Variants in MELK observed in about 807,000 individuals in gnomAD.
The protein encoded by MELK is maternal embryonic leucine zipper kinase, also known as pEg3 kinase.
Under a neutral mutation model 85.0 loss-of-function variants are expected in MELK, and 81 were observed. The observed-to-expected ratio is 0.95, with a 90% CI of 0.80 to 1.15. The LOEUF is 1.15. Among genes scored for constraint, MELK ranks in the 50% most tolerant of loss-of-function variants. The pLI is 0.00. For synonymous variants in MELK, 252 were observed against 265.0 expected (o/e 0.95, Z 0.48); for missense variants, 754 against 777.5 (o/e 0.97, Z 0.36).
chr9:36,600,001 A>G (rs1009775719), intron 7 of MELK, among the ~76,000 whole-genome samples: 2 of 152,198 alleles, frequency 1.3e-5, no homozygotes, highest in Non-Finnish European at 2.9e-5. Flanking sequence ...TGTGAGTGTC[A>G]TAAGATTAAA....
At chr9:36,673,083 C>T (rs1479728510) in intron 16 of MELK, among the ~76,000 whole-genome samples, 2 of 152,050 alleles carry the variant, frequency 1.3e-5, no homozygotes, top group Admixed American at 6.6e-5. Flanking sequence ...TAGTTATGTC[C>T]TCTTTTAGGA....
At chr9:36,650,223 G>T (rs1178954706) in intron 11 of MELK, among the ~76,000 whole-genome samples, 1 of 151,424 alleles carries the variant, frequency 6.6e-6, no homozygotes, top group Non-Finnish European at 1.5e-5. Flanking sequence ...GATTACAGGG[G>T]TGAGCCACCG....
chr9:36,579,255 G>A (rs747796509), intron 1 of MELK, among the ~76,000 whole-genome samples: 1 of 152,186 alleles, frequency 6.6e-6, no homozygotes, highest in Non-Finnish European at 1.5e-5. Flanking sequence ...TCGAACTCCC[G>A]ACCTCAGGTG....
intron 8 of MELK, among the ~76,000 whole-genome samples, chr9:36,616,433 A>G (rs1310353566): frequency 7.1e-6 from 1 of 141,584 alleles, no homozygotes; most frequent in Non-Finnish European, 1.5e-5. Flanking sequence ...TTTGTCACCC[A>G]GGCTGGAGTG....
At chr9:36,653,900 A>T (rs1264471122) in intron 12 of MELK, among the ~76,000 whole-genome samples, 1 of 152,144 alleles carries the variant, frequency 6.6e-6, no homozygotes, top group Non-Finnish European at 1.5e-5. Context: ...GGTACTCATC[A>T]GTCATGTGCT....
chr9:36,607,846 T>G (rs912404167), intron 8 of MELK, among the ~76,000 whole-genome samples, 173 bp downstream of exon 8: 1 of 152,224 alleles, frequency 6.6e-6, no homozygotes, highest in Non-Finnish European at 1.5e-5. Flanking sequence ...TTCTGTTTCT[T>G]AATCTGGGAG....
intron 10 of MELK, among the ~76,000 whole-genome samples, chr9:36,640,131 A>G (rs1447896578): frequency 6.6e-6 from 1 of 152,226 alleles, no homozygotes; most frequent in Non-Finnish European, 1.5e-5. Flanking sequence ...TGCTTATACC[A>G]GTCAATAATG....
intron 8 of MELK, among the ~76,000 whole-genome samples, chr9:36,617,770 T>A (rs1826989890): frequency 6.6e-6 from 1 of 152,124 alleles, no homozygotes. Context: ...TTTTCTTGAC[T>A]TTAAACATCA....
At chr9:36,573,528 G>A (rs1189254399) in intron 1 of MELK, among the ~76,000 whole-genome samples, 1 of 152,026 alleles carries the variant, frequency 6.6e-6, no homozygotes, top group Non-Finnish European at 1.5e-5. Context: ...TCTTCAAGAC[G>A]GAGTTTCGCT....
intron 14 of MELK, among the ~76,000 whole-genome samples, chr9:36,665,993 G>A (rs1406114481): frequency 1.3e-5 from 2 of 152,206 alleles, no homozygotes; most frequent in East Asian, 1.9e-4. Context: ...TGACGCCTCC[G>A]CTGAGCCTTT....
At chr9:36,597,092 C>T (rs1824367833) in intron 5 of MELK, 130 bp from the exon 6 acceptor site, 4 of 675,504 alleles carry the variant, frequency 5.9e-6, no homozygotes, top group Non-Finnish European at 1.0e-5. Context: ...CTCTCATCTG[C>T]CTTCAGAGTG....
At chr9:36,658,759 T>C (rs1831501171) in intron 13 of MELK, among the ~76,000 whole-genome samples, 1 of 152,106 alleles carries the variant, frequency 6.6e-6, no homozygotes. Context: ...TGGAGCGCAT[T>C]GTTGGGATCT....
chr9:36,636,784 C>G (rs575522964), intron 10 of MELK, among the ~76,000 whole-genome samples: 1 of 99,828 alleles, frequency 1.0e-5, no homozygotes, highest in African/African-American at 4.1e-5. Context: ...TTCTTTCTTT[C>G]TGTCTGTCTT....
At chr9:36,627,784 C>T (rs377097768) in intron 8 of MELK, among the ~76,000 whole-genome samples, 1 of 151,928 alleles carries the variant, frequency 6.6e-6, no homozygotes, top group African/African-American at 2.4e-5. Context: ...ATCTCAGCCT[C>T]CCAAAGTGCT....
At chr9:36,609,712 A>G (rs1404177261) in intron 8 of MELK, among the ~76,000 whole-genome samples, 11 of 152,140 alleles carry the variant, frequency 7.2e-5, no homozygotes, top group Admixed American at 7.2e-4. Flanking sequence ...TCAGCCTTGC[A>G]AAGTGCTGAG....
chr9:36,636,650 C>A (rs997185171), intron 10 of MELK, among the ~76,000 whole-genome samples: 1 of 152,200 alleles, frequency 6.6e-6, no homozygotes, highest in African/African-American at 2.4e-5. Context: ...ATGGTCCAAG[C>A]CTCACTAGAA....
At chr9:36,660,237 T>C (rs1004498903) in intron 13 of MELK, among the ~76,000 whole-genome samples, 4 of 152,246 alleles carry the variant, frequency 2.6e-5, no homozygotes, top group Admixed American at 6.5e-5. Context: ...CTAACTTTTT[T>C]TTCAGCATTT....
At chr9:36,591,799 G>A (rs1195219166) in intron 4 of MELK, among the ~76,000 whole-genome samples, 2 of 151,950 alleles carry the variant, frequency 1.3e-5, no homozygotes, top group Non-Finnish European at 2.9e-5. Flanking sequence ...GGCTGGGTAT[G>A]GTGGTGCACA....
At chr9:36,577,836 A>G (rs768291090) in intron 1 of MELK, among the ~76,000 whole-genome samples, 2 of 151,574 alleles carry the variant, frequency 1.3e-5, no homozygotes, top group African/African-American at 2.4e-5. Context: ...TATTTTTAGT[A>G]GAGACGGGGT....
Sources: gnomAD v4.1 joint callset for allele counts (sites outside exome capture counted in the v4.1 genomes callset) on GRCh38, gnomAD v4.1.1 for gene constraint, MANE v1.5 for transcripts, NCBI Gene and HGNC (gene_info 2026-07-23, HGNC 2026-07-21) for gene names.